Variants in TENM2 observed in about 807,000 individuals in gnomAD.
TENM2 encodes teneurin transmembrane protein 2.
A neutral mutation model predicts 245.2 loss-of-function variants in TENM2; 52 were observed. The observed-to-expected ratio is 0.21, with a 90% CI of 0.17 to 0.27. TENM2 has a LOEUF of 0.27. TENM2 is among the 10% of genes least tolerant of loss of function. The pLI is 1.00. For missense variants in TENM2, 3,046 were observed against 3,666.8 expected (o/e 0.83, Z 4.37); for synonymous variants, 1,363 against 1,438.9 (o/e 0.95, Z 1.19).
At chr5:168,248,436 T>G in intron 27 of TENM2, 65 bp downstream of exon 29, 1 of 1,505,422 alleles carries the variant, frequency 6.6e-7, no homozygotes. Context: ...TGTGGGGAAC[T>G]TGGGAGGAAG....
chr5:168,008,406 C>T (rs1784985437), intron 5 of TENM2, among the ~76,000 whole-genome samples: 1 of 152,118 alleles, frequency 6.6e-6, no homozygotes, highest in African/African-American at 2.4e-5. Flanking sequence ...GCTTCAAGTT[C>T]ATAAGCGGGA....
At chr5:167,265,927 CCAAGTGGTCTCG>C in the TENM2 span, among the ~76,000 whole-genome samples, 91 of 152,122 alleles carry the variant, frequency 6.0e-4, no homozygotes, top group African/African-American at 2.0e-3. Flanking sequence ...ATTATGGAAG[CCAAGTGGTCTCG>C]CTCATGAAAC....
chr5:167,792,719 T>C lies in TENM2; in HGVS notation c.503-83267T>C, dbSNP rs184262096. Reference sequence around the variant, plus strand: ...AATCTGCATGGGGGTCTTACTGCCTTTTTTGAAAAATGGAAAAAAAAAAAA... The same window carrying C: ...AATCTGCATGGGGGTCTTACTGCCTCTTTTGAAAAATGGAAAAAAAAAAAA... On this transcript the variant is annotated intron_variant, in intron 2 of 28. Coordinates refer to ENST00000518659, the Ensembl canonical transcript of TENM2. Among the ~76,000 whole-genome samples the C allele has an allele frequency of 2.4e-4, 36 of 151,878 alleles. No individual in the cohort carries two copies. The East Asian group carries it at 6.6e-3, about 28-fold the overall frequency.
At chr5:167,049,747 C>T in the TENM2 span, among the ~76,000 whole-genome samples, 1 of 152,122 alleles carries the variant, frequency 6.6e-6, no homozygotes, top group East Asian at 1.9e-4. Flanking sequence ...ATACTGAATG[C>T]TTTAGTGACA....
chr5:168,195,635 A>G (rs1761368653), intron 15 of TENM2, among the ~76,000 whole-genome samples: 1 of 147,236 alleles, frequency 6.8e-6, no homozygotes, highest in African/African-American at 2.5e-5. Context: ...GGTTCTAGAA[A>G]AAGAAGGGAA....
At chr5:168,151,877 T>C (rs1173373316) in intron 12 of TENM2, among the ~76,000 whole-genome samples, 2 of 152,228 alleles carry the variant, frequency 1.3e-5, no homozygotes, top group African/African-American at 4.8e-5. Context: ...AAGAGCCTAG[T>C]CCTCACTCCC....
chr5:167,873,977 A>G (rs1334092437), intron 2 of TENM2, among the ~76,000 whole-genome samples: 1 of 151,958 alleles, frequency 6.6e-6, no homozygotes, highest in Non-Finnish European at 1.5e-5. Context: ...TGCCACCCCC[A>G]TCCTCAAAGG....
chr5:168,247,483 A>G lies in TENM2; in HGVS notation c.6544A>G (p.Met2182Val). Reference sequence around the variant, plus strand: ...CTGGATGACGGTGCAATATGACAGCATGGGCAGGGTGATCAAGAGGGAGCT... The same window carrying G: ...CTGGATGACGGTGCAATATGACAGCGTGGGCAGGGTGATCAAGAGGGAGCT... The change falls in exon 27 of 29, where the codon ATG becomes GTG. Residue 2182 changes from methionine to valine, a missense_variant. Met to Val is a conservative substitution (Grantham distance 21). Coordinates refer to ENST00000518659, the Ensembl canonical transcript of TENM2. This position sits in a 1 kb window ranked among gnomAD's most constrained non-coding sequence, Gnocchi z 7.8. 6.2e-7 allele frequency: 1 copy of G among 1,612,602 alleles called. No individual in the cohort carries two copies. Among genetic ancestry groups the G allele is most frequent in the Non-Finnish European group, 8.5e-7 (1 of 1,178,880 alleles).
chr5:168,119,813 C>G (rs969582055), intron 10 of TENM2, among the ~76,000 whole-genome samples: 1 of 152,116 alleles, frequency 6.6e-6, no homozygotes, highest in African/African-American at 2.4e-5. Context: ...AAAGTGAAGC[C>G]CCTGCCTATT....
At position 167,493,482 on chromosome 5, in the gene TENM2, T is replaced by C. The variant is rs139277679; in HGVS notation, c.502+118009T>C. Among the ~76,000 whole-genome samples, 10 of 152,252 alleles carry C rather than the reference T, an allele frequency of 6.6e-5. No individual in the cohort carries two copies. In the East Asian group the frequency reaches 1.9e-3, roughly 29 times the overall value. ...ATTCATATAAAAATGGAAGTAGTCA[T>C]AGTTTTGGCTCATAGAATTTTTGTG... On this transcript the variant is annotated intron_variant, in intron 2 of 28. Coordinates refer to ENST00000518659, the Ensembl canonical transcript of TENM2.
chr5:166,982,222 TG>T, the TENM2 span, among the ~76,000 whole-genome samples: 2 of 152,194 alleles, frequency 1.3e-5, no homozygotes, highest in Non-Finnish European at 2.9e-5. Flanking sequence ...TGTTGATTCA[TG>T]GAACTTGTCA....
chr5:167,735,087 T>G (rs1483009419), intron 2 of TENM2, among the ~76,000 whole-genome samples: 1 of 152,150 alleles, frequency 6.6e-6, no homozygotes, highest in Non-Finnish European at 1.5e-5. Flanking sequence ...AATATCTATA[T>G]ATAAAGAGAA....
At chr5:167,196,512 G>GTGTGTATATATATA in the TENM2 span, among the ~76,000 whole-genome samples, 2,452 of 144,124 alleles carry the variant, frequency 0.017, 104 homozygotes, top group African/African-American at 0.065. Flanking sequence ...ATATATATGT[G>GTGTGTATATATATA]TGTGTATATA....
chr5:168,166,043 C>T (rs1158748568), intron 13 of TENM2: 1 of 152,062 alleles, frequency 6.6e-6, no homozygotes, highest in East Asian at 1.9e-4. Flanking sequence ...TAAGGTTGCT[C>T]CTCATCAACT....
chr5:167,339,742 T>G (rs1281774507), intron 1 of TENM2, among the ~76,000 whole-genome samples: 2 of 152,092 alleles, frequency 1.3e-5, no homozygotes, highest in African/African-American at 4.8e-5. Context: ...TGAGAGGTGC[T>G]TACCCTCATG....
intron 2 of TENM2, among the ~76,000 whole-genome samples, chr5:167,484,273 A>G (rs976884247): frequency 5.9e-5 from 9 of 152,144 alleles, no homozygotes; most frequent in African/African-American, 2.2e-4. Context: ...TGAACCCCTT[A>G]TTACCTCAGA....
the TENM2 span, among the ~76,000 whole-genome samples, chr5:167,040,715 A>G: frequency 1.3e-5 from 2 of 152,168 alleles, no homozygotes; most frequent in African/African-American, 4.8e-5. Context: ...TATTTTATAA[A>G]TTCTAAACAT....
At chr5:167,965,370 ATAGCATATG>A (rs1349297603) in intron 4 of TENM2, 1 of 152,178 alleles carries the variant, frequency 6.6e-6, no homozygotes, top group Non-Finnish European at 1.5e-5. Flanking sequence ...TTTACAGATA[ATAGCATATG>A]TAGTATATCC....
At chr5:167,400,455 A>C (rs1158821) in intron 2 of TENM2, among the ~76,000 whole-genome samples, 84,852 of 151,866 alleles carry the variant, frequency 0.56, 24,234 homozygotes, top group African/African-American at 0.68. Flanking sequence ...ACTGGGAAAC[A>C]GGAAGTTTGG....
Sources: gnomAD v4.1 joint callset for allele counts (sites outside exome capture counted in the v4.1 genomes callset) on GRCh38, gnomAD v4.1.1 for gene constraint, Gnocchi (gnomAD v3.1) non-coding constraint, MANE v1.5 for transcripts, NCBI Gene and HGNC (gene_info 2026-07-23, HGNC 2026-07-21) for gene names.